Variants in C2orf42 observed in about 807,000 individuals in gnomAD.
The protein encoded by C2orf42 is chromosome 2 open reading frame 42.
C2orf42 carries 44 observed loss-of-function variants against 58.9 expected under a neutral mutation model. That is an observed-to-expected ratio of 0.75 (90% CI 0.59 to 0.96). The LOEUF is 0.96. Among genes scored for constraint, C2orf42 ranks in the 40% least tolerant of loss-of-function variants. The probability of loss-of-function intolerance (pLI) is 0.00; values close to 1 mark genes in which losing one functional copy is unlikely to be tolerated. For synonymous variants in C2orf42, 239 were observed against 265.4 expected, an observed-to-expected ratio of 0.90 and a Z score of 0.97; for missense variants, 630 against 699.2, an observed-to-expected ratio of 0.90 and a Z score of 1.12.
chr2:70,159,763 A>G (rs1337160842), intron 9 of C2orf42, among the ~76,000 whole-genome samples: 1 of 151,922 alleles, frequency 6.6e-6, no homozygotes, highest in East Asian at 1.9e-4. Context: ...TCTTGAATTC[A>G]TGGCCTGAAG....
At chr2:70,155,848 A>G (rs1672635210) in intron 9 of C2orf42, among the ~76,000 whole-genome samples, 1 of 149,600 alleles carries the variant, frequency 6.7e-6, no homozygotes, top group South Asian at 2.1e-4. Flanking sequence ...ACACTAGCAG[A>G]ACTAAACTAA....
At position 70,179,654 on chromosome 2, in the gene C2orf42, A is replaced by T; in HGVS notation, c.824-12T>A. The T allele has an allele frequency of 9.3e-7, 1 of 1,074,116 alleles. No homozygotes were observed. Among genetic ancestry groups the T allele is most frequent in the Non-Finnish European group, 1.4e-6 (1 of 696,688 alleles). The allele number at this position is 1,074,116 out of a possible 1,614,324, so 66.5% of individuals were successfully genotyped here. On this transcript the variant is annotated splice_polypyrimidine_tract_variant and intron_variant, in intron 3 of 9. Transcript: ENST00000264434. ...AATCTCTTTAAGACCTAAAAAAAAG[A>T]AGATTTCTGAATTATTAATCCTATC...
intron 9 of C2orf42, among the ~76,000 whole-genome samples, chr2:70,157,164 C>T (rs1240099443): frequency 6.6e-6 from 1 of 152,038 alleles, no homozygotes; most frequent in Non-Finnish European, 1.5e-5. Flanking sequence ...GACTTAAACA[C>T]CAAAATAAGG....
intron 5 of C2orf42, among the ~76,000 whole-genome samples, chr2:70,174,413 G>A (rs556928063): frequency 3.3e-5 from 5 of 152,148 alleles, no homozygotes; most frequent in South Asian, 4.2e-4. Context: ...CCCTTCATCC[G>A]GATTCACCCA....
rs1254227511 is a variant in C2orf42 at position 70,165,613 on chromosome 2, G to A, written c.1167C>T (p.Phe389=). The A allele has an allele frequency of 1.2e-6, 2 of 1,608,552 alleles. No homozygotes were observed. Among genetic ancestry groups the A allele is most frequent in the South Asian group, 2.2e-5 (2 of 90,946 alleles). The change falls in exon 7 of 10, where the codon TTC becomes TTT. Residue 389 remains phenylalanine, a synonymous_variant. Coordinates refer to ENST00000264434, the MANE Select transcript of C2orf42 (RefSeq NM_017880.3). The part of the protein sequence containing the change: ...QFDGKPEPLV[F]HIPQSFFDAL... Reference sequence around the variant, plus strand: ...CATCAAAAAATGACTGAGGAATGTGGAACACCAATGGTTCTGGTTTGCCTA... The same window carrying A: ...CATCAAAAAATGACTGAGGAATGTGAAACACCAATGGTTCTGGTTTGCCTA...
At chr2:70,184,922 C>G (rs1674830500) in intron 1 of C2orf42, among the ~76,000 whole-genome samples, 1 of 151,174 alleles carries the variant, frequency 6.6e-6, no homozygotes, top group Middle Eastern at 3.2e-3. Context: ...AACCCTGTCT[C>G]TACTAAAAAT....
chr2:70,153,759 T>C (rs1672463327), intron 9 of C2orf42, among the ~76,000 whole-genome samples: 1 of 149,912 alleles, frequency 6.7e-6, no homozygotes, highest in Non-Finnish European at 1.5e-5. Context: ...GATATATCTA[T>C]CCAAAAGAAA....
At chr2:70,180,651 G>A (rs1674495949) in intron 3 of C2orf42, among the ~76,000 whole-genome samples, 1 of 145,592 alleles carries the variant, frequency 6.9e-6, no homozygotes, top group Non-Finnish European at 1.5e-5. Flanking sequence ...TCTGTCTCTT[G>A]ATCATTAATT....
At chr2:70,154,242 T>G (rs1672502859) in intron 9 of C2orf42, among the ~76,000 whole-genome samples, 1 of 150,754 alleles carries the variant, frequency 6.6e-6, no homozygotes, top group Non-Finnish European at 1.5e-5. Context: ...AGGCCAAATT[T>G]CAAGAATCAC....
chr2:70,162,902 T>G (rs1034487879), intron 8 of C2orf42, among the ~76,000 whole-genome samples: 8 of 152,186 alleles, frequency 5.3e-5, no homozygotes, highest in Non-Finnish European at 5.9e-5. Context: ...AGTCTCGATC[T>G]TGTCCCCCAG....
chr2:70,159,860 G>A (rs533438026), intron 9 of C2orf42, among the ~76,000 whole-genome samples: 10 of 152,098 alleles, frequency 6.6e-5, no homozygotes, highest in African/African-American at 2.4e-4. Flanking sequence ...TCACTACTGG[G>A]ACTTCATCAA....
At chr2:70,160,499 A>G (rs1469535684) in intron 9 of C2orf42, 126 bp downstream of exon 9, 7 of 630,038 alleles carry the variant, frequency 1.1e-5, no homozygotes, top group African/African-American at 1.9e-5. Context: ...TTATCCCACG[A>G]TTGCCTTTAC....
At chr2:70,162,211 A>G (rs1252856914) in intron 8 of C2orf42, among the ~76,000 whole-genome samples, 1 of 151,714 alleles carries the variant, frequency 6.6e-6, no homozygotes, top group Non-Finnish European at 1.5e-5. Context: ...GGTTTTCACC[A>G]TGTTGGCGAA....
intron 9 of C2orf42, among the ~76,000 whole-genome samples, chr2:70,151,400 C>T (rs1426868546): frequency 6.6e-6 from 1 of 152,194 alleles, no homozygotes; most frequent in Admixed American, 6.6e-5. Flanking sequence ...CTGTGGGAGG[C>T]TGAGGTGGGC....
At chr2:70,169,381 G>C (rs929389920) in intron 6 of C2orf42, among the ~76,000 whole-genome samples, 176 bp downstream of exon 6, 1 of 151,860 alleles carries the variant, frequency 6.6e-6, no homozygotes, top group Non-Finnish European at 1.5e-5. Flanking sequence ...ATTTTGCTGC[G>C]CCTGAATTTT....
rs1281093430 is a variant in C2orf42, at chr2:70,165,048, C to G, written c.1353+44G>C. ...ATAGTCCCTGTACTTGCCTCCCTCT[C>G]TTCCCTTCACAACCCTCCCACTGTT... On this transcript the variant is annotated intron_variant, in intron 8 of 9. Coordinates refer to ENST00000264434, the MANE Select transcript of C2orf42 (RefSeq NM_017880.3). The G allele has an allele frequency of 3.8e-6, 4 of 1,061,656 alleles. No individual in the cohort carries two copies. In the African/African-American group the frequency reaches 6.4e-5, roughly 17 times the overall value. The allele number at this position is 1,061,656 out of a possible 1,614,324, so 65.8% of individuals were successfully genotyped here.
At chr2:70,153,065 A>T (rs983161125) in intron 9 of C2orf42, among the ~76,000 whole-genome samples, 3 of 151,578 alleles carry the variant, frequency 2.0e-5, no homozygotes, top group African/African-American at 4.8e-5. Context: ...GCAGTGGCAG[A>T]GTGTGTTCTG....
At chr2:70,178,813 G>C (rs892698865) in intron 4 of C2orf42, among the ~76,000 whole-genome samples, 1 of 151,228 alleles carries the variant, frequency 6.6e-6, no homozygotes, top group Non-Finnish European at 1.5e-5. Flanking sequence ...CTTAGTCCCA[G>C]CTACTCAGGA....
At chr2:70,160,156 T>A (rs980367669) in intron 9 of C2orf42, among the ~76,000 whole-genome samples, 1 of 151,902 alleles carries the variant, frequency 6.6e-6, no homozygotes, top group Non-Finnish European at 1.5e-5. Flanking sequence ...TTTTCTTTTT[T>A]TGAGGCTGAG....
Sources: allele counts gnomAD v4.1 joint callset (sites outside exome capture counted in the v4.1 genomes callset), GRCh38; gene constraint gnomAD v4.1.1; transcripts MANE v1.5; gene names NCBI Gene and HGNC (gene_info 2026-07-23, HGNC 2026-07-21).